The following COL4A1 variants were observed in gnomAD, a reference collection of about 807,000 sequenced individuals.
COL4A1 encodes the protein collagen type IV alpha 1 chain.
Under a neutral mutation model 216.6 loss-of-function variants are expected in COL4A1, and 40 were observed. The observed-to-expected ratio is 0.18, with a 90% confidence interval of 0.14 to 0.24. COL4A1 has a LOEUF of 0.24. Among genes scored for constraint, COL4A1 ranks in the 10% least tolerant of loss-of-function variants. The pLI, the probability that COL4A1 is intolerant of heterozygous loss-of-function variation, is 1.00. For synonymous variants in COL4A1, 839 were observed against 810.7 expected, an observed-to-expected ratio of 1.03 and a Z score of -0.59; for missense variants, 1,628 against 2,196.8, an observed-to-expected ratio of 0.74 and a Z score of 5.18.
intron 26 of COL4A1, among the ~76,000 whole-genome samples, chr13:110,184,429 T>G (rs1038696161): frequency 6.6e-6 from 1 of 152,214 alleles, no homozygotes; most frequent in Non-Finnish European, 1.5e-5. Flanking sequence ...GAAGTCCCTA[T>G]GCCTGGCTCA....
chr13:110,261,036 CAAAAAAAAA>C (rs575253533), intron 1 of COL4A1, among the ~76,000 whole-genome samples: 1 of 83,452 alleles, frequency 1.2e-5, no homozygotes, highest in Non-Finnish European at 2.1e-5. Context: ...GACTCCGTCT[CAAAAAAAAA>C]AAAAAAAAAG....
chr13:110,199,209 T>C (rs903737309), intron 20 of COL4A1, among the ~76,000 whole-genome samples: 43 of 151,562 alleles, frequency 2.8e-4, no homozygotes, highest in African/African-American at 1.0e-3. Context: ...CTTGAGAGAG[T>C]GGTGGTGCAG....
rs1194843480 is a variant in COL4A1, at chr13:110,170,665, C to T, written c.3624G>A (p.Glu1208=). The T allele has an allele frequency of 3.1e-6, 5 of 1,614,036 alleles. No individual in the cohort carries two copies. Among genetic ancestry groups the T allele is most frequent in the Non-Finnish European group, 4.2e-6 (5 of 1,180,022 alleles). The change falls in exon 42 of 52, where the codon GAG becomes GAA. Residue 1208 remains glutamate (E), a synonymous_variant. Transcript: ENST00000375820. ...GCCCCGGAGGACCCATGAATCCTTGCTCTCCTTTGGATCCAGGAATTCCTG... is the reference window on the plus strand; with the variant it reads ...GCCCCGGAGGACCCATGAATCCTTGTTCTCCTTTGGATCCAGGAATTCCTG... The part of the protein sequence containing the change: ...GSPGIPGSKG[E]QGFMGPPGPQ...
chr13:110,200,489 C>T (rs1046022741), intron 20 of COL4A1, among the ~76,000 whole-genome samples: 6 of 152,118 alleles, frequency 3.9e-5, no homozygotes, highest in East Asian at 1.9e-4. Context: ...AGGAGGAAGG[C>T]GCCTGACTGT....
In COL4A1 at chr13:110,183,087, G is replaced by C. The variant is rs954535100; in HGVS notation, c.2001C>G (p.Gly667=). The part of the protein sequence containing the change: ...PGFPGPQGDR[G]FPGTPGRPGL... ...CTGGCCTTCCTGGGGTTCCGGGAAA[G>C]CCTCGGTCTCCTGTGGTGAGAAAGA... Residue 667 remains glycine (G), a synonymous_variant, in exon 28 of 52, where the codon GGC becomes GGG. Transcript: ENST00000375820. The C allele has an allele frequency of 9.3e-6, 15 of 1,612,872 alleles. No homozygotes were observed. The highest frequency in any genetic ancestry group is 9.3e-6 in the Non-Finnish European group (11 of 1,179,712).
At chr13:110,253,863 T>C (rs1882391001) in intron 1 of COL4A1, among the ~76,000 whole-genome samples, 1 of 150,068 alleles carries the variant, frequency 6.7e-6, no homozygotes, top group African/African-American at 2.4e-5. Context: ...TATATGTATG[T>C]GTGTGTGTAT....
Position 110,229,123 on chromosome 13 carries a change from A to T in COL4A1, c.144+13552T>A, listed in dbSNP as rs558340237. Among the ~76,000 whole-genome samples, 3 of 152,338 alleles carry T rather than the reference A, an allele frequency of 2.0e-5. No individual in the cohort carries two copies. The South Asian group carries it at 6.2e-4, about 32-fold the overall frequency. ...TTCCTCAGAATACATCACCGAAAACATAGCTGACACTGAGGAAATGTCTGC... is the reference window on the plus strand; with the variant it reads ...TTCCTCAGAATACATCACCGAAAACTTAGCTGACACTGAGGAAATGTCTGC... On this transcript the variant is annotated intron_variant, in intron 2 of 51. Transcript: ENST00000375820.
rs537139298 is a variant in COL4A1, at chr13:110,189,487, G to C, written c.1537-2158C>G. Reference sequence around the variant, plus strand: ...TGGACGACTACCAGTGGTCTGAGCTGGCCCCGCACTCTAATGCCCCTTATG... The same window carrying C: ...TGGACGACTACCAGTGGTCTGAGCTCGCCCCGCACTCTAATGCCCCTTATG... On this transcript the variant is annotated intron_variant, in intron 24 of 51. Transcript: ENST00000375820. 5.9e-5 allele frequency among the ~76,000 whole-genome samples: 9 copies of C among 152,278 alleles called. No homozygotes were observed. In the East Asian group the frequency reaches 1.4e-3, roughly 23 times the overall value.
chr13:110,305,451 C>G (rs1169479933), intron 1 of COL4A1, among the ~76,000 whole-genome samples: 1 of 152,232 alleles, frequency 6.6e-6, no homozygotes. Flanking sequence ...CATTATCCAT[C>G]AGAAAATCGA....
At chr13:110,180,207 C>G (rs1878080642) in intron 29 of COL4A1, among the ~76,000 whole-genome samples, 1 of 152,206 alleles carries the variant, frequency 6.6e-6, no homozygotes, top group South Asian at 2.1e-4. Context: ...TAAATTAAAT[C>G]TTTCATTCCC....
chr13:110,219,920 ATATATGTATG>A lies in COL4A1; in HGVS notation c.145-5915_145-5906del, dbSNP rs1458453116. On this transcript the variant is annotated intron_variant, in intron 2 of 51. Transcript: ENST00000375820. Reference sequence around the variant, plus strand: ...TATATATGTATATATATGTGTGTATATATATGTATGTATATGTGTGTGTATATATACACAT... The same window carrying A: ...TATATATGTATATATATGTGTGTATATATATGTGTGTGTATATATACACAT... 5.3e-5 allele frequency among the ~76,000 whole-genome samples: 6 copies of A among 113,316 alleles called. No homozygotes were observed. In the Admixed American group the frequency reaches 5.4e-4, roughly 10 times the overall value. The allele number at this position is 113,316 out of a possible 152,430, so 74.3% of individuals were successfully genotyped here. A position where few individuals can be genotyped will look rare whatever the true frequency, so the allele number is the denominator to read the frequency against.
intron 41 of COL4A1, among the ~76,000 whole-genome samples, chr13:110,172,215 T>C (rs1877678942): frequency 6.6e-6 from 1 of 152,236 alleles, no homozygotes; most frequent in Non-Finnish European, 1.5e-5. Flanking sequence ...TTGTATTTTC[T>C]GTGTCCCCTT....
chr13:110,287,280 G>A (rs368119050), intron 1 of COL4A1, among the ~76,000 whole-genome samples: 10 of 152,162 alleles, frequency 6.6e-5, no homozygotes, highest in African/African-American at 2.4e-4. Flanking sequence ...ACATCTCAGG[G>A]GCAAGCCAGA....
In COL4A1 at chr13:110,267,911, T is replaced by G. The variant is rs569137435; in HGVS notation, c.85-25177A>C. ...TATGTATACATAAAAAATATGTAGG[T>G]CAGGATTTTAAACCCCATGAAGATC... On this transcript the variant is annotated intron_variant, in intron 1 of 51. Coordinates refer to ENST00000375820, the MANE Select transcript of COL4A1 (RefSeq NM_001845.6). 5.3e-5 allele frequency among the ~76,000 whole-genome samples: 8 copies of G among 152,114 alleles called. No homozygotes were observed. In the South Asian group the frequency reaches 1.7e-3, roughly 32 times the overall value.
Position 110,301,137 on chromosome 13 carries a change from A to G in COL4A1, c.84+5807T>C, listed in dbSNP as rs536919272. On this transcript the variant is annotated intron_variant, in intron 1 of 51. Transcript: ENST00000375820. Reference sequence around the variant, plus strand: ...CTACTCCAAATTCCAAATTAAGGGGAAACACCTTCGTTTGCCCAGATTCAT... The same window carrying G: ...CTACTCCAAATTCCAAATTAAGGGGGAACACCTTCGTTTGCCCAGATTCAT... Among the ~76,000 whole-genome samples the G allele has an allele frequency of 9.2e-5, 14 of 152,342 alleles. No homozygotes were observed. In the South Asian group the frequency reaches 2.9e-3, roughly 32 times the overall value.
At chr13:110,289,607 C>T (rs187243811) in intron 1 of COL4A1, among the ~76,000 whole-genome samples, 1 of 152,300 alleles carries the variant, frequency 6.6e-6, no homozygotes, top group Admixed American at 6.5e-5. Flanking sequence ...CTTGCAGGTT[C>T]GTCCTTCACA....
In COL4A1 at chr13:110,151,476, G is replaced by A. The variant is rs666023; in HGVS notation, c.4928+858C>T. ...CTCCAATAAACCACCAGTTAGGCAC[G>A]CGGCACTTTTTGGATGAGTAACGAA... On this transcript the variant is annotated intron_variant, in intron 51 of 51. Transcript: ENST00000375820. 3.7e-3 allele frequency among the ~76,000 whole-genome samples: 570 copies of A among 152,314 alleles called. 1 individual carries two copies. Among genetic ancestry groups the A allele is most frequent in the African/African-American group, 0.011 (473 of 41,562 alleles).
chr13:110,235,426 G>A lies in COL4A1; in HGVS notation c.144+7249C>T, dbSNP rs1342062852. Among the ~76,000 whole-genome samples the A allele has an allele frequency of 3.9e-5, 6 of 152,252 alleles. No individual in the cohort carries two copies. In the East Asian group the frequency reaches 5.8e-4, roughly 15 times the overall value. On this transcript the variant is annotated intron_variant, in intron 2 of 51. Coordinates refer to ENST00000375820, the MANE Select transcript of COL4A1 (RefSeq NM_001845.6). ...AGCACTTTGGGAGGCTGAGGCGGGC[G>A]GATCACAAGGTCAGGAGATCGAGAC...
At chr13:110,303,367 T>C (rs900936019) in intron 1 of COL4A1, among the ~76,000 whole-genome samples, 1 of 151,924 alleles carries the variant, frequency 6.6e-6, no homozygotes, top group Non-Finnish European at 1.5e-5. Flanking sequence ...GGGAGCTCTT[T>C]TTTAACACTG....
Sources: gnomAD v4.1 joint callset for allele counts (sites outside exome capture counted in the v4.1 genomes callset) on GRCh38, gnomAD v4.1.1 for gene constraint, MANE v1.5 for transcripts, NCBI Gene and HGNC (gene_info 2026-07-23, HGNC 2026-07-21) for gene names.